Variants in SEMA3A observed in about 807,000 individuals in gnomAD.
SEMA3A encodes the protein semaphorin 3A, also known as semaphorin-3A.
A neutral mutation model predicts 97.9 loss-of-function variants in SEMA3A; 29 were observed. That is an observed-to-expected ratio of 0.30 (90% CI 0.22 to 0.40). The LOEUF is 0.40. Among genes scored for constraint, SEMA3A ranks in the 10% least tolerant of loss-of-function variants. The probability of loss-of-function intolerance (pLI) is 1.00; values close to 1 mark genes in which losing one functional copy is unlikely to be tolerated. For missense variants in SEMA3A, 763 were observed against 951.3 expected (o/e 0.80, Z 2.60); for synonymous variants, 321 against 323.7 (o/e 0.99, Z 0.09).
At chr7:84,286,072 G>A (rs1223816059) in intron 3 of SEMA3A, among the ~76,000 whole-genome samples, 2 of 151,584 alleles carry the variant, frequency 1.3e-5, no homozygotes, top group Admixed American at 1.3e-4. Flanking sequence ...AAACTGTAAG[G>A]ATTAAAATTC....
intron 2 of SEMA3A, among the ~76,000 whole-genome samples, chr7:84,361,134 T>C (rs1220683499): frequency 6.6e-6 from 1 of 152,106 alleles, no homozygotes; most frequent in African/African-American, 2.4e-5. Flanking sequence ...ACAGACTTCA[T>C]TGACTTTGGG....
At chr7:84,324,056 C>T (rs762040491) in intron 2 of SEMA3A, among the ~76,000 whole-genome samples, 35 of 152,108 alleles carry the variant, frequency 2.3e-4, no homozygotes, top group Non-Finnish European at 5.1e-4. Flanking sequence ...GGTAAATCAA[C>T]ACAATGTCAA....
chr7:84,031,729 G>A (rs982648587), intron 6 of SEMA3A, among the ~76,000 whole-genome samples: 2 of 151,930 alleles, frequency 1.3e-5, no homozygotes, highest in Admixed American at 6.6e-5. Flanking sequence ...TCAGCTACTC[G>A]GGAGGCTGAG....
intron 2 of SEMA3A, among the ~76,000 whole-genome samples, chr7:84,352,653 T>C (rs1374072448): frequency 1.3e-5 from 2 of 151,880 alleles, no homozygotes; most frequent in African/African-American, 4.8e-5. Context: ...AGACTGAACA[T>C]GAGCTGTGAG....
chr7:84,066,693 A>G (rs1195925277), intron 4 of SEMA3A, among the ~76,000 whole-genome samples: 1 of 151,554 alleles, frequency 6.6e-6, no homozygotes, highest in Non-Finnish European at 1.5e-5. Context: ...AGAATAAAAT[A>G]CCTAGGAATC....
intron 3 of SEMA3A, among the ~76,000 whole-genome samples, chr7:84,274,698 T>C (rs1412412915): frequency 6.6e-6 from 1 of 152,046 alleles, no homozygotes; most frequent in Non-Finnish European, 1.5e-5. Context: ...AAAGATACGT[T>C]TTTTGTGCAT....
intron 2 of SEMA3A, among the ~76,000 whole-genome samples, chr7:84,131,204 G>A (rs1251835690): frequency 6.6e-6 from 1 of 151,996 alleles, no homozygotes; most frequent in Admixed American, 6.6e-5. Flanking sequence ...ATGAGGGTAA[G>A]TATAAGCCAG....
At chr7:83,966,339 T>G (rs1219182054) in intron 15 of SEMA3A, among the ~76,000 whole-genome samples, 1 of 152,198 alleles carries the variant, frequency 6.6e-6, no homozygotes, top group Non-Finnish European at 1.5e-5. Context: ...TAGTTTAATA[T>G]ACTAATATTT....
intron 1 of SEMA3A, among the ~76,000 whole-genome samples, chr7:84,419,860 GA>G (rs1260014514): frequency 6.6e-6 from 1 of 152,114 alleles, no homozygotes; most frequent in Non-Finnish European, 1.5e-5. Flanking sequence ...AGTATTGAAG[GA>G]ATGCTCCAGA....
intron 3 of SEMA3A, among the ~76,000 whole-genome samples, chr7:84,116,693 GC>G (rs1218102701): frequency 6.6e-6 from 1 of 152,144 alleles, no homozygotes; most frequent in Admixed American, 6.5e-5. Context: ...AGACATCGGG[GC>G]ATGAGTGCAC....
intron 2 of SEMA3A, among the ~76,000 whole-genome samples, chr7:84,364,002 T>C (rs1802785783): frequency 6.6e-6 from 1 of 151,842 alleles, no homozygotes; most frequent in Non-Finnish European, 1.5e-5. Context: ...CCAGATGTTA[T>C]GGAGATGTTC....
chr7:84,000,063 CAT>C (rs1228490142), intron 12 of SEMA3A, among the ~76,000 whole-genome samples: 5 of 151,934 alleles, frequency 3.3e-5, no homozygotes, highest in Admixed American at 3.3e-4. Flanking sequence ...GTTTAAAAGA[CAT>C]TTTAGGTTTT....
At chr7:83,988,863 T>A (rs1789754912) in intron 12 of SEMA3A, among the ~76,000 whole-genome samples, 1 of 149,378 alleles carries the variant, frequency 6.7e-6, no homozygotes, top group Admixed American at 6.7e-5. Flanking sequence ...TATTCAGCTT[T>A]TTTTTTTTTT....
chr7:84,124,641 ATTGT>A (rs1795736558), intron 3 of SEMA3A, among the ~76,000 whole-genome samples: 1 of 152,094 alleles, frequency 6.6e-6, no homozygotes, highest in Non-Finnish European at 1.5e-5. Context: ...TTTATTTCTT[ATTGT>A]TTATTTAAAT....
intron 4 of SEMA3A, among the ~76,000 whole-genome samples, chr7:84,074,130 A>C (rs1229667324): frequency 6.6e-6 from 1 of 152,130 alleles, no homozygotes; most frequent in Non-Finnish European, 1.5e-5. Flanking sequence ...TATTATATGG[A>C]ATTCACTTAT....
intron 1 of SEMA3A, among the ~76,000 whole-genome samples, chr7:84,387,687 T>C (rs1045252803): frequency 6.6e-6 from 1 of 152,200 alleles, no homozygotes; most frequent in Non-Finnish European, 1.5e-5. Flanking sequence ...TTGAATCTGA[T>C]CCATAGTCTG....
chr7:84,244,934 T>C (rs532854065), intron 3 of SEMA3A, among the ~76,000 whole-genome samples: 1 of 152,076 alleles, frequency 6.6e-6, no homozygotes, highest in East Asian at 1.9e-4. Context: ...TTCTGGATCC[T>C]AGGGTTTCTG....
chr7:84,277,895 G>A (rs1800348982), intron 3 of SEMA3A, among the ~76,000 whole-genome samples: 1 of 152,068 alleles, frequency 6.6e-6, no homozygotes, highest in East Asian at 1.9e-4. Context: ...TATGCAAATT[G>A]CTCTAGCAAG....
intron 3 of SEMA3A, among the ~76,000 whole-genome samples, chr7:84,249,910 A>T (rs911982679): frequency 6.7e-6 from 1 of 150,300 alleles, no homozygotes; most frequent in African/African-American, 2.4e-5. Flanking sequence ...TGCTCTAAGG[A>T]AGGGGAAGCA....
Sources: gnomAD v4.1 joint callset for allele counts (sites outside exome capture counted in the v4.1 genomes callset) on GRCh38, gnomAD v4.1.1 for gene constraint, MANE v1.5 for transcripts, NCBI Gene and HGNC (gene_info 2026-07-23, HGNC 2026-07-21) for gene names.